The following DHX9 variants were observed in gnomAD, a reference collection of about 807,000 sequenced individuals.
The protein encoded by DHX9 is DExH-box helicase 9.
DHX9 carries 27 observed loss-of-function variants against 148.7 expected under a neutral mutation model. The observed-to-expected ratio is 0.18, with a 90% CI of 0.13 to 0.25. The LOEUF (loss-of-function observed/expected upper bound fraction) is 0.25, where lower values mean the gene tolerates loss of function less well. Ranked by LOEUF, DHX9 falls within the 10% of genes least tolerant of loss-of-function variation. The pLI, the probability that DHX9 is intolerant of heterozygous loss-of-function variation, is 1.00. For missense variants in DHX9, 796 were observed against 1,559.6 expected, an observed-to-expected ratio of 0.51 and a Z score of 8.25; for synonymous variants, 529 against 516.6, an observed-to-expected ratio of 1.02 and a Z score of -0.33.
intron 14 of DHX9, among the ~76,000 whole-genome samples, chr1:182,870,390 G>A (rs563549215): frequency 6.6e-6 from 1 of 152,304 alleles, no homozygotes; most frequent in African/African-American, 2.4e-5. Context: ...GAGAATCTTG[G>A]TTTACAGATA....
At position 182,855,830 on chromosome 1, in the gene DHX9, C is replaced by T. The variant is rs1475360925; in HGVS notation, c.627-702C>T. 3 of 738,678 alleles carry T rather than the reference C, an allele frequency of 4.1e-6. No homozygotes were observed. In the African/African-American group the frequency reaches 5.7e-5, roughly 14 times the overall value. The allele number at this position is 738,678 out of a possible 1,614,324, so 45.8% of individuals were successfully genotyped here. ...AGAATGTATCTGAGCAGTGAAAGGA[C>T]CAGAATGCATAGTTATCAAAGGGCA... is the stretch of plus-strand genomic sequence containing the variant. On this transcript the variant is annotated intron_variant, in intron 6 of 27. Coordinates refer to ENST00000367549, the MANE Select transcript of DHX9 (RefSeq NM_001357.5).
At chr1:182,869,624 G>A (rs960113334) in intron 14 of DHX9, among the ~76,000 whole-genome samples, 3 of 130,854 alleles carry the variant, frequency 2.3e-5, no homozygotes, top group Non-Finnish European at 1.5e-5. Context: ...GTCCAGTCCA[G>A]TCTTGTCTTG....
chr1:182,842,742 T>C (rs1667954647), intron 2 of DHX9, 65 bp downstream of exon 2: 1 of 1,328,376 alleles, frequency 7.5e-7, no homozygotes. Context: ...AAAAGAAAAA[T>C]GTTTTCTGTT....
intron 7 of DHX9, among the ~76,000 whole-genome samples, chr1:182,857,607 C>T (rs1027316390): frequency 3.3e-5 from 5 of 152,178 alleles, no homozygotes; most frequent in Admixed American, 6.5e-5. Context: ...TTGTCAGTGA[C>T]TGCTTTCACA....
In DHX9 at chr1:182,842,535, G is replaced by GT. The variant is rs750452873; in HGVS notation, c.-22-6dup. On this transcript the variant is annotated splice_polypyrimidine_tract_variant and intron_variant, in intron 1 of 27. Coordinates refer to ENST00000367549, the MANE Select transcript of DHX9 (RefSeq NM_001357.5). ...TAAATGCTGTTTTTAACTGACTTTTGTTTTCTTAGATCTGAAGAAGACACT... is the reference window on the plus strand; with the variant it reads ...TAAATGCTGTTTTTAACTGACTTTTGTTTTTCTTAGATCTGAAGAAGACACT... 1.3e-6 allele frequency: 2 copies of GT among 1,540,690 alleles called. No individual in the cohort carries two copies. Among genetic ancestry groups the GT allele is most frequent in the South Asian group, 2.4e-5 (2 of 84,466 alleles).
chr1:182,881,746 T>C (rs920471775), intron 24 of DHX9, 99 bp downstream of exon 24: 95 of 1,257,772 alleles, frequency 7.6e-5, no homozygotes, highest in Middle Eastern at 2.7e-4. Context: ...TTTTAGACCC[T>C]ATGATTTTTA....
At chr1:182,848,101 T>G (rs967627785) in intron 3 of DHX9, among the ~76,000 whole-genome samples, 1 of 152,218 alleles carries the variant, frequency 6.6e-6, no homozygotes, top group Non-Finnish European at 1.5e-5. Flanking sequence ...CCCTCATCTT[T>G]CTGCCTCAAA....
At chr1:182,860,877 C>A (rs1668350304) in intron 12 of DHX9, among the ~76,000 whole-genome samples, 1 of 152,206 alleles carries the variant, frequency 6.6e-6, no homozygotes, top group Non-Finnish European at 1.5e-5. Flanking sequence ...TTGGCTCTAC[C>A]CTGTACTTCT....
chr1:182,844,372 GT>G (rs1285076171), intron 3 of DHX9, among the ~76,000 whole-genome samples: 2 of 152,248 alleles, frequency 1.3e-5, no homozygotes, highest in East Asian at 1.9e-4. Flanking sequence ...CTAGTAGGTT[GT>G]TTTGGGGGAT....
chr1:182,885,222 A>C (rs1393388048), intron 27 of DHX9, among the ~76,000 whole-genome samples: 1 of 152,218 alleles, frequency 6.6e-6, no homozygotes, highest in Non-Finnish European at 1.5e-5. Context: ...TTTATCTTAA[A>C]CAACTAGAGC....
chr1:182,879,439 C>T (rs1179697391), intron 21 of DHX9, 29 bp downstream of exon 21: 1 of 1,411,072 alleles, frequency 7.1e-7, no homozygotes, highest in Admixed American at 2.3e-5. Flanking sequence ...CTACTTGACG[C>T]AGATATTAAT....
At chr1:182,873,871 C>T (rs191304976) in intron 15 of DHX9, among the ~76,000 whole-genome samples, 1 of 152,182 alleles carries the variant, frequency 6.6e-6, no homozygotes, top group Non-Finnish European at 1.5e-5. Context: ...GAGCCTGGAA[C>T]ATCTTGTCCC....
chr1:182,841,338 G>T (rs1474542755), intron 1 of DHX9, among the ~76,000 whole-genome samples: 1 of 152,298 alleles, frequency 6.6e-6, no homozygotes, highest in East Asian at 1.9e-4. Flanking sequence ...ATGTATTTGG[G>T]CATCGATAGC....
intron 12 of DHX9, among the ~76,000 whole-genome samples, chr1:182,861,964 A>C (rs944416080): frequency 5.9e-5 from 9 of 152,224 alleles, no homozygotes; most frequent in African/African-American, 1.9e-4. Context: ...AGATTTAAAC[A>C]CACTCAAATT....
chr1:182,875,451 C>T (rs1648717343), intron 16 of DHX9, among the ~76,000 whole-genome samples: 1 of 151,994 alleles, frequency 6.6e-6, no homozygotes. Flanking sequence ...ATCAGGTGGA[C>T]AGAGTATTAA....
At chr1:182,843,085 A>G (rs1358540203) in intron 2 of DHX9, among the ~76,000 whole-genome samples, 3 of 152,224 alleles carry the variant, frequency 2.0e-5, no homozygotes. Flanking sequence ...GAGAAAAAAA[A>G]ATCTGAGCCA....
At chr1:182,877,948 A>G in intron 19 of DHX9, 73 bp from the exon 20 acceptor site, 2 of 1,532,688 alleles carry the variant, frequency 1.3e-6, no homozygotes, top group Non-Finnish European at 1.8e-6. Context: ...GAAAGCATTC[A>G]CTACTTAGTG....
At chr1:182,843,502 G>A in intron 3 of DHX9, 68 bp downstream of exon 3, 1 of 1,331,972 alleles carries the variant, frequency 7.5e-7, no homozygotes, top group Non-Finnish European at 1.0e-6. Context: ...ATGCGTAAGA[G>A]ACTCAAGATA....
Position 182,876,218 on chromosome 1 carries a change from C to T in DHX9, c.1984C>T (p.Leu662=), listed in dbSNP as rs767018232. 1.2e-6 allele frequency: 2 copies of T among 1,613,778 alleles called. No individual in the cohort carries two copies. Among genetic ancestry groups the T allele is most frequent in the Non-Finnish European group, 1.7e-6 (2 of 1,179,890 alleles). Reference sequence around the variant, plus strand: ...GTTGGTTTTTTTGCCTGGCTGGAATCTGATTTATACTATGCAGAAGCATTT... The same window carrying T: ...GTTGGTTTTTTTGCCTGGCTGGAATTTGATTTATACTATGCAGAAGCATTT... ...AVLVFLPGWN[L]IYTMQKHLEM... Residue 662 remains leucine (L), a synonymous_variant, in exon 17 of 28, where the codon CTG becomes TTG. Transcript: ENST00000367549.
Sources: gnomAD v4.1 joint callset for allele counts (sites outside exome capture counted in the v4.1 genomes callset) on GRCh38, gnomAD v4.1.1 for gene constraint, MANE v1.5 for transcripts, NCBI Gene and HGNC (gene_info 2026-07-23, HGNC 2026-07-21) for gene names.